ALDH1L2: variants seen among roughly 807,000 people sequenced by gnomAD.
ALDH1L2 encodes aldehyde dehydrogenase 1 family member L2.
A neutral mutation model predicts 111.0 loss-of-function variants in ALDH1L2; 91 were observed. The observed-to-expected ratio is 0.82, with a 90% CI of 0.69 to 0.98. ALDH1L2 has a LOEUF of 0.98. Ranked by LOEUF, ALDH1L2 falls within the 50% of genes least tolerant of loss-of-function variation. ALDH1L2 has a pLI of 0.00. For missense variants in ALDH1L2, 995 were observed against 1,126.8 expected (o/e 0.88, Z 1.67); for synonymous variants, 374 against 392.6 (o/e 0.95, Z 0.56).
rs1465816096 is a variant in ALDH1L2, at chr12:105,020,898, G to C, written c.*3526C>G. 2 of 152,188 alleles carry C rather than the reference G, an allele frequency of 1.3e-5. No homozygotes were observed. The highest frequency in any genetic ancestry group is 3.8e-4 in the East Asian group (2 of 5,196). The allele number at this position is 152,188 out of a possible 1,614,324, so 9.4% of individuals were successfully genotyped here. On this transcript the variant is annotated 3_prime_UTR_variant, in exon 23 of 23. Coordinates refer to ENST00000258494, the MANE Select transcript of ALDH1L2 (RefSeq NM_001034173.4). ...AAATTAGTGGCTCAAAAATAGCCTT[G>C]ATGAGAGTATTTACACATAGATACC...
intron 1 of ALDH1L2, 115 bp downstream of exon 1, chr12:105,084,270 GTTTA>G (rs1458703596): frequency 8.5e-7 from 1 of 1,178,294 alleles, no homozygotes; most frequent in Non-Finnish European, 1.1e-6. Context: ...CTGTCTTGGT[GTTTA>G]GCAAAGTCTA....
At chr12:105,025,870 C>G (rs967458915) in intron 22 of ALDH1L2, among the ~76,000 whole-genome samples, 2 of 152,174 alleles carry the variant, frequency 1.3e-5, no homozygotes, top group African/African-American at 4.8e-5. Context: ...GCCCCATTGT[C>G]CTCTTCTGTA....
Position 105,057,031 on chromosome 12 carries a change from C to T in ALDH1L2, c.1287+1042G>A, listed in dbSNP as rs74716901. On this transcript the variant is annotated intron_variant, in intron 10 of 22. Transcript: ENST00000258494. ...CTTACATCTGATAAGGATCTAGTAT[C>T]GAAAATATACGAAGGACGCTTAAGA... Among the ~76,000 whole-genome samples, 718 of 149,978 alleles carry T rather than the reference C, an allele frequency of 4.8e-3. 9 individuals carry two copies. Among genetic ancestry groups the T allele is most frequent in the African/African-American group, 0.017 (675 of 40,856 alleles).
intron 19 of ALDH1L2, among the ~76,000 whole-genome samples, chr12:105,032,587 A>C (rs1468893918): frequency 6.6e-6 from 1 of 152,154 alleles, no homozygotes; most frequent in African/African-American, 2.4e-5. Flanking sequence ...TCAGCTTCTC[A>C]GAAGAAGAAA....
At chr12:105,038,033 C>T (rs1875262739) in intron 18 of ALDH1L2, 70 bp downstream of exon 18, 1 of 1,333,922 alleles carries the variant, frequency 7.5e-7, no homozygotes, top group Non-Finnish European at 1.1e-6. Flanking sequence ...TCCCAAAGTG[C>T]TAGGATTACA....
chr12:105,062,840 G>A (rs1250636139), intron 7 of ALDH1L2, 48 bp downstream of exon 7: 1 of 1,581,734 alleles, frequency 6.3e-7, no homozygotes, highest in Admixed American at 1.8e-5. Flanking sequence ...TTGGGTTATA[G>A]AAGAAAATCA....
At chr12:105,066,233 G>A (rs910364707) in intron 5 of ALDH1L2, among the ~76,000 whole-genome samples, 1 of 152,158 alleles carries the variant, frequency 6.6e-6, no homozygotes, top group African/African-American at 2.4e-5. Flanking sequence ...CTGAAGAGGC[G>A]TTTCTGGGCA....
intron 18 of ALDH1L2, among the ~76,000 whole-genome samples, chr12:105,036,551 T>C (rs867626466): frequency 4.8e-5 from 2 of 41,294 alleles, no homozygotes; most frequent in African/African-American, 3.8e-4. Context: ...TATATATATA[T>C]ATATATATAT....
chr12:105,033,353 T>C (rs1874811302), intron 19 of ALDH1L2, among the ~76,000 whole-genome samples: 1 of 152,210 alleles, frequency 6.6e-6, no homozygotes, highest in Non-Finnish European at 1.5e-5. Context: ...TTTAGCTGAT[T>C]GTGAAAGCCC....
intron 1 of ALDH1L2, among the ~76,000 whole-genome samples, chr12:105,082,775 C>A (rs1047608165): frequency 3.3e-5 from 5 of 152,170 alleles, no homozygotes; most frequent in Non-Finnish European, 7.3e-5. Flanking sequence ...TATAAAACTG[C>A]CAAACAGTTT....
chr12:105,054,154 CA>C (rs1876470633), intron 10 of ALDH1L2, among the ~76,000 whole-genome samples: 1 of 152,120 alleles, frequency 6.6e-6, no homozygotes, highest in Non-Finnish European at 1.5e-5. Flanking sequence ...CCCAAGGTCA[CA>C]CAGCTAGTAA....
At chr12:105,032,351 G>A (rs963952610) in intron 19 of ALDH1L2, among the ~76,000 whole-genome samples, 3 of 151,870 alleles carry the variant, frequency 2.0e-5, no homozygotes, top group African/African-American at 4.8e-5. Context: ...CTATTCTCAT[G>A]TCTTAGCCTC....
chr12:105,063,662 T>C (rs1877152747), intron 6 of ALDH1L2, among the ~76,000 whole-genome samples: 1 of 141,644 alleles, frequency 7.1e-6, no homozygotes, highest in Non-Finnish European at 1.5e-5. Context: ...AAGGTAGGGT[T>C]TGGGTGGGTG....
At chr12:105,049,708 A>T in intron 13 of ALDH1L2, 200 bp downstream of exon 13, 1 of 555,328 alleles carries the variant, frequency 1.8e-6, no homozygotes, top group Non-Finnish European at 2.8e-6. Context: ...GGCCTCCAGA[A>T]CTGTAAGAGA....
rs999397496 is a variant in ALDH1L2 at position 105,066,684 on chromosome 12, A to T, written c.595-15T>A. 3.1e-6 allele frequency: 5 copies of T among 1,608,250 alleles called. No homozygotes were observed. Among genetic ancestry groups the T allele is most frequent in the Middle Eastern group, 1.7e-4 (1 of 6,050 alleles). On this transcript the variant is annotated splice_polypyrimidine_tract_variant and intron_variant, in intron 4 of 22. Transcript: ENST00000258494. ...ACAGCTTCTACCTAAGGCCAAAGAC[A>T]TCACCTGTGTTACAGCCCAATGATC...
At chr12:105,028,054 T>G (rs535063966) in intron 21 of ALDH1L2, among the ~76,000 whole-genome samples, 1 of 152,320 alleles carries the variant, frequency 6.6e-6, no homozygotes, top group African/African-American at 2.4e-5. Flanking sequence ...GTGATCCTAA[T>G]GCTTAAAAAC....
intron 1 of ALDH1L2, among the ~76,000 whole-genome samples, chr12:105,074,410 A>G (rs1446659305): frequency 6.9e-6 from 1 of 145,530 alleles, no homozygotes; most frequent in Non-Finnish European, 1.5e-5. Context: ...GTGAGCCGAG[A>G]TCACACCACA....
intron 8 of ALDH1L2, among the ~76,000 whole-genome samples, chr12:105,061,320 T>C (rs1319137125): frequency 1.3e-5 from 2 of 152,128 alleles, no homozygotes; most frequent in African/African-American, 2.4e-5. Context: ...TCCTTTGCCC[T>C]TCTGGCTGTC....
intron 22 of ALDH1L2, among the ~76,000 whole-genome samples, chr12:105,025,902 T>C (rs562095628): frequency 1.6e-4 from 25 of 152,294 alleles, no homozygotes; most frequent in African/African-American, 6.0e-4. Flanking sequence ...TAATAGTACC[T>C]ATTCCTCTGA....
Sources: gnomAD v4.1 joint callset for allele counts (sites outside exome capture counted in the v4.1 genomes callset) on GRCh38, gnomAD v4.1.1 for gene constraint, MANE v1.5 for transcripts, NCBI Gene and HGNC (gene_info 2026-07-23, HGNC 2026-07-21) for gene names.